The following TRRAP variants were observed in gnomAD, a reference collection of about 807,000 sequenced individuals.
TRRAP encodes transformation/transcription domain associated protein, also known as transformation/transcription domain-associated protein.
Under a neutral mutation model 438.8 loss-of-function variants are expected in TRRAP, and 41 were observed. That is an observed-to-expected ratio of 0.09 (90% CI 0.07 to 0.12). The LOEUF is 0.12. Ranked by LOEUF, TRRAP falls within the 10% of genes least tolerant of loss-of-function variation. TRRAP has a pLI of 1.00. For missense variants in TRRAP, 3,122 were observed against 5,055.1 expected, an observed-to-expected ratio of 0.62 and a Z score of 11.60; for synonymous variants, 1,994 against 1,962.9, an observed-to-expected ratio of 1.02 and a Z score of -0.42.
At chr7:98,954,306 C>A (rs971955893) in intron 40 of TRRAP, among the ~76,000 whole-genome samples, 4 of 152,258 alleles carry the variant, frequency 2.6e-5, no homozygotes, top group Admixed American at 1.3e-4. Flanking sequence ...GTTAATGTCT[C>A]CGTGTGAGAA....
chr7:98,957,206 T>TC (rs1791658696), intron 43 of TRRAP, among the ~76,000 whole-genome samples: 1 of 152,198 alleles, frequency 6.6e-6, no homozygotes, highest in African/African-American at 2.4e-5. Flanking sequence ...CACACTGTGG[T>TC]CCCAGTCTCT....
At chr7:98,977,623 G>T (rs74385575) in intron 56 of TRRAP, among the ~76,000 whole-genome samples, 2 of 152,156 alleles carry the variant, frequency 1.3e-5, no homozygotes, top group African/African-American at 4.8e-5. Context: ...TTTCCCTCCC[G>T]TCGTTGGTCC....
Position 98,948,190 on chromosome 7 carries a change from C to T in TRRAP, c.4549-31C>T, listed in dbSNP as rs572235597. ...CTCTGTCACTTGCAAAATTAATCGA[C>T]CTGTTTATAATTTCTGGTTTTCTTG... is the stretch of plus-strand genomic sequence containing the variant. On this transcript the variant is annotated intron_variant, in intron 33 of 72. Transcript: ENST00000456197. The surrounding 1 kb of genome is among the most constrained non-coding windows in gnomAD (Gnocchi z 4.9). 14 of 1,613,126 alleles carry T rather than the reference C, an allele frequency of 8.7e-6. No homozygotes were observed. The East Asian group carries it at 8.9e-5, about 10-fold the overall frequency.
intron 65 of TRRAP, among the ~76,000 whole-genome samples, chr7:98,992,518 TTAG>T (rs1322902730): frequency 2.6e-5 from 4 of 152,244 alleles, no homozygotes; most frequent in African/African-American, 9.6e-5. Context: ...ACCTTTCTCC[TTAG>T]TAGTAAGTGC....
intron 31 of TRRAP, 100 bp from the exon 32 acceptor site, chr7:98,945,647 T>G (rs895473699): frequency 5.1e-6 from 7 of 1,375,708 alleles, no homozygotes; most frequent in Non-Finnish European, 6.9e-6. Flanking sequence ...GTCTTTACTG[T>G]CTTGTTAACC....
chr7:98,894,783 G>GTTTTTTTTTTTTTTTTTTTTTTTTTTT (rs56407045), intron 6 of TRRAP, among the ~76,000 whole-genome samples: 2 of 87,418 alleles, frequency 2.3e-5, no homozygotes, highest in Non-Finnish European at 4.0e-5. Context: ...CCAGCTAATG[G>GTTTTTTTTTTTTTTTTTTTTTTTTTTT]TTTTTTTTTT....
chr7:98,894,440 G>C (rs1796104693), intron 6 of TRRAP, among the ~76,000 whole-genome samples: 1 of 151,988 alleles, frequency 6.6e-6, no homozygotes, highest in Non-Finnish European at 1.5e-5. Context: ...CTAAATAAGT[G>C]CCTGTTATAG....
intron 17 of TRRAP, 22 bp from the exon 18 acceptor site, chr7:98,912,000 C>T (rs1789298085): frequency 1.9e-6 from 3 of 1,597,698 alleles, no homozygotes; most frequent in Non-Finnish European, 2.6e-6. Context: ...TAATTTTTCA[C>T]ATGTGTTTCT....
At chr7:98,883,152 CTT>C (rs781804583) in intron 3 of TRRAP, among the ~76,000 whole-genome samples, 31 of 152,238 alleles carry the variant, frequency 2.0e-4, no homozygotes, top group South Asian at 2.1e-4. Context: ...CCCTCAGACA[CTT>C]TTCATTTTTC....
chr7:99,010,588 T>C (rs1004965711), intron 70 of TRRAP, among the ~76,000 whole-genome samples: 1 of 143,200 alleles, frequency 7.0e-6, no homozygotes, highest in African/African-American at 2.5e-5. Flanking sequence ...TATGAGTCTC[T>C]AGTACAGAGT....
chr7:98,899,790 T>C lies in TRRAP; in HGVS notation c.800+23T>C, dbSNP rs782079845. The C allele has an allele frequency of 4.4e-6, 7 of 1,609,012 alleles. No homozygotes were observed. The Admixed American group carries it at 8.3e-5, about 19-fold the overall frequency. ...GAGGTGAGGCGTCACTGTAGCCGGCTGCCACAGTGCCTGGATTCCAAGTAA... is the reference window on the plus strand; with the variant it reads ...GAGGTGAGGCGTCACTGTAGCCGGCCGCCACAGTGCCTGGATTCCAAGTAA... On this transcript the variant is annotated intron_variant, in intron 10 of 72. Transcript: ENST00000456197.
intron 44 of TRRAP, 80 bp downstream of exon 44, chr7:98,958,171 C>A: frequency 1.7e-6 from 2 of 1,210,810 alleles, no homozygotes; most frequent in Middle Eastern, 2.0e-4. Flanking sequence ...TTATCTGTGG[C>A]AATTTCATCA....
intron 7 of TRRAP, 60 bp from the exon 8 acceptor site, chr7:98,897,681 G>GTTTTTT: frequency 3.5e-6 from 5 of 1,431,324 alleles, no homozygotes; most frequent in South Asian, 1.3e-5. Flanking sequence ...GTTTTGTTTT[G>GTTTTTT]TTTTTGAATG....
At chr7:98,931,150 C>T (rs145289566) in intron 25 of TRRAP, among the ~76,000 whole-genome samples, 4 of 152,208 alleles carry the variant, frequency 2.6e-5, no homozygotes, top group African/African-American at 9.6e-5. Context: ...AGATATGACT[C>T]ACACCAGTAG....
Position 98,949,830 on chromosome 7 carries a change from G to A in TRRAP, c.5124G>A (p.Leu1708=). Residue 1708 remains leucine, a synonymous_variant, in exon 37 of 73, where the codon CTG becomes CTA. Coordinates refer to ENST00000456197, the MANE Select transcript of TRRAP (RefSeq NM_001375524.1). ...CCAAGCTGCTGGCCTACTGCCTGCT[G>A]AACTACTGCAAGTGGGTGCCTCCTC... ...KEPKLLAYCL[L]NYCKRNYGDI... The A allele has an allele frequency of 6.2e-7, 1 of 1,613,158 alleles. No homozygotes were observed. Among genetic ancestry groups the A allele is most frequent in the Non-Finnish European group, 8.5e-7 (1 of 1,179,708 alleles).
intron 67 of TRRAP, among the ~76,000 whole-genome samples, chr7:98,995,921 G>A (rs182939774): frequency 1.5e-5 from 2 of 136,090 alleles, no homozygotes; most frequent in South Asian, 2.4e-4. Flanking sequence ...TCCCATCCTC[G>A]CATCCCCATC....
At chr7:98,978,689 T>C (rs1044852393) in intron 57 of TRRAP, 80 bp from the exon 58 acceptor site, 4 of 1,592,530 alleles carry the variant, frequency 2.5e-6, no homozygotes, top group East Asian at 4.5e-5. Context: ...AATTTGCTCC[T>C]TAAAACCCTG....
At chr7:98,910,700 G>C (rs1554408590) in intron 16 of TRRAP, 93 bp downstream of exon 16, 2 of 1,044,858 alleles carry the variant, frequency 1.9e-6, no homozygotes, top group Non-Finnish European at 2.8e-6. Context: ...AGAGCTGTTA[G>C]TATTTGGATG....
intron 67 of TRRAP, among the ~76,000 whole-genome samples, chr7:98,996,146 T>G (rs538444410): frequency 1.3e-5 from 2 of 151,856 alleles, no homozygotes; most frequent in South Asian, 2.1e-4. Flanking sequence ...CATACACACC[T>G]ACATCCCATT....
Sources: gnomAD v4.1 joint callset for allele counts (sites outside exome capture counted in the v4.1 genomes callset) on GRCh38, gnomAD v4.1.1 for gene constraint, Gnocchi (gnomAD v3.1) non-coding constraint, MANE v1.5 for transcripts, NCBI Gene and HGNC (gene_info 2026-07-23, HGNC 2026-07-21) for gene names.